Variants in BNC2 observed in about 807,000 individuals in gnomAD.
BNC2 encodes the protein basonuclin zinc finger protein 2, also known as zinc finger protein basonuclin-2.
In BNC2, 20 loss-of-function variants were observed where a neutral mutation model predicts 76.3. The observed-to-expected ratio is 0.26, with a 90% CI of 0.18 to 0.38. The LOEUF (loss-of-function observed/expected upper bound fraction) is 0.38. Among genes scored for constraint, BNC2 ranks in the 10% least tolerant of loss-of-function variants. The probability of loss-of-function intolerance (pLI) is 1.00; values close to 1 mark genes in which losing one functional copy is unlikely to be tolerated. For synonymous variants in BNC2, 582 were observed against 514.8 expected (o/e 1.13, Z -1.77); for missense variants, 1,382 against 1,399.8 (o/e 0.99, Z 0.20).
intron 5 of BNC2, among the ~76,000 whole-genome samples, chr9:16,517,252 A>G (rs1296169710): frequency 6.6e-6 from 1 of 152,234 alleles, no homozygotes; most frequent in Non-Finnish European, 1.5e-5. Flanking sequence ...GAGAAACCTC[A>G]GGAGCTTGCA....
At chr9:16,763,580 A>G (rs1825612857) in intron 1 of BNC2, among the ~76,000 whole-genome samples, 1 of 152,104 alleles carries the variant, frequency 6.6e-6, no homozygotes, top group African/African-American at 2.4e-5. Context: ...AAAAAAACAA[A>G]AAAAAACCAT....
chr9:16,482,441 C>T (rs1296587649), intron 5 of BNC2, among the ~76,000 whole-genome samples: 1 of 151,266 alleles, frequency 6.6e-6, no homozygotes, highest in Non-Finnish European at 1.5e-5. Flanking sequence ...TCTATAGAAA[C>T]TCAAACTAAT....
intron 5 of BNC2, among the ~76,000 whole-genome samples, chr9:16,542,128 A>G (rs1818340439): frequency 6.6e-6 from 1 of 152,208 alleles, no homozygotes. Flanking sequence ...AGAAAATTAC[A>G]TGAGAACAAG....
At chr9:16,712,077 C>T (rs1823867797) in intron 3 of BNC2, among the ~76,000 whole-genome samples, 1 of 152,070 alleles carries the variant, frequency 6.6e-6, no homozygotes, top group African/African-American at 2.4e-5. Flanking sequence ...AGGTGAGAAC[C>T]AAGACAAAAA....
chr9:16,675,845 T>A (rs1822622687), intron 3 of BNC2, among the ~76,000 whole-genome samples: 1 of 152,122 alleles, frequency 6.6e-6, no homozygotes, highest in African/African-American at 2.4e-5. Context: ...GGTCAGGAGT[T>A]TGAGACCAGC....
At chr9:16,709,300 C>T (rs1823767161) in intron 3 of BNC2, among the ~76,000 whole-genome samples, 1 of 152,200 alleles carries the variant, frequency 6.6e-6, no homozygotes, top group Non-Finnish European at 1.5e-5. Context: ...TCAAAAGTGA[C>T]ACAGAAGAGA....
intron 5 of BNC2, among the ~76,000 whole-genome samples, chr9:16,505,912 C>T (rs1168141223): frequency 6.6e-6 from 1 of 152,142 alleles, no homozygotes; most frequent in Non-Finnish European, 1.5e-5. Context: ...TCGCATTAAC[C>T]ACATTTACAA....
intron 5 of BNC2, among the ~76,000 whole-genome samples, chr9:16,527,635 G>A (rs1484365616): frequency 6.6e-6 from 1 of 152,084 alleles, no homozygotes; most frequent in African/African-American, 2.4e-5. Context: ...AAATCACTAG[G>A]GAGCGGCTAA....
At chr9:16,818,058 G>A (rs1468187185) in intron 1 of BNC2, among the ~76,000 whole-genome samples, 1 of 152,014 alleles carries the variant, frequency 6.6e-6, no homozygotes, top group Non-Finnish European at 1.5e-5. Flanking sequence ...AATACAATGT[G>A]AAATTGCAAG....
chr9:16,820,783 A>C (rs1040499405), intron 1 of BNC2, among the ~76,000 whole-genome samples: 1 of 152,144 alleles, frequency 6.6e-6, no homozygotes, highest in African/African-American at 2.4e-5. Context: ...CATTAAAATG[A>C]AACAGGCCAA....
chr9:16,555,468 G>A (rs1184179512), intron 4 of BNC2, among the ~76,000 whole-genome samples: 1 of 152,092 alleles, frequency 6.6e-6, no homozygotes, highest in African/African-American at 2.4e-5. Flanking sequence ...AAGGACACTA[G>A]TTGATTCTTC....
At chr9:16,769,983 G>A (rs1825792367) in intron 1 of BNC2, among the ~76,000 whole-genome samples, 1 of 152,120 alleles carries the variant, frequency 6.6e-6, no homozygotes, top group Admixed American at 6.5e-5. Context: ...AACCCTATGG[G>A]GAGGAGAAGC....
intron 5 of BNC2, among the ~76,000 whole-genome samples, chr9:16,482,996 C>T (rs573398716): frequency 2.6e-5 from 4 of 152,194 alleles, no homozygotes; most frequent in East Asian, 1.9e-4. Context: ...TGTCCATTTT[C>T]GATTACACAT....
intron 6 of BNC2, chr9:16,430,030 C>T (rs771955627): frequency 2.0e-6 from 1 of 496,914 alleles, no homozygotes; most frequent in Non-Finnish European, 4.0e-6. Flanking sequence ...AGGAATGACA[C>T]TGAAGTTTAT....
intron 5 of BNC2, among the ~76,000 whole-genome samples, chr9:16,518,280 C>A (rs563001044): frequency 1.3e-5 from 2 of 152,036 alleles, no homozygotes; most frequent in African/African-American, 4.8e-5. Context: ...ATAAAAAATA[C>A]AAAATTAGCT....
At chr9:16,826,024 T>A (rs1251068313) in intron 1 of BNC2, among the ~76,000 whole-genome samples, 1 of 152,176 alleles carries the variant, frequency 6.6e-6, no homozygotes, top group Non-Finnish European at 1.5e-5. Flanking sequence ...GTTAGCAATG[T>A]TAAGGCTGAT....
At chr9:16,742,433 C>T (rs563650383) in intron 1 of BNC2, among the ~76,000 whole-genome samples, 20 of 152,354 alleles carry the variant, frequency 1.3e-4, no homozygotes, top group African/African-American at 4.6e-4. Flanking sequence ...CTCAGCACTT[C>T]TAGTCCAGAA....
intron 1 of BNC2, among the ~76,000 whole-genome samples, chr9:16,806,340 C>G (rs1303352214): frequency 6.6e-6 from 1 of 151,858 alleles, no homozygotes; most frequent in East Asian, 1.9e-4. Flanking sequence ...GCACCCCTGC[C>G]TGGGTGACAG....
chr9:16,807,278 A>G (rs1457628971), intron 1 of BNC2, among the ~76,000 whole-genome samples: 1 of 152,196 alleles, frequency 6.6e-6, no homozygotes, highest in East Asian at 1.9e-4. Flanking sequence ...TGTTATCTAC[A>G]GAAAGTTATT....
Sources: gnomAD v4.1 joint callset for allele counts (sites outside exome capture counted in the v4.1 genomes callset) on GRCh38, gnomAD v4.1.1 for gene constraint, MANE v1.5 for transcripts, NCBI Gene and HGNC (gene_info 2026-07-23, HGNC 2026-07-21) for gene names.